The following XPA variants were observed in gnomAD, a reference collection of about 807,000 sequenced individuals.
The protein encoded by XPA is DNA repair protein complementing XP-A cells.
In XPA, 27 loss-of-function variants were observed where a neutral mutation model predicts 35.7. The observed-to-expected ratio is 0.76, with a 90% confidence interval of 0.56 to 1.04. The LOEUF (loss-of-function observed/expected upper bound fraction) is 1.04. Among genes scored for constraint, XPA ranks in the 50% least tolerant of loss-of-function variants. The pLI is 0.00. For missense variants in XPA, 354 were observed against 342.7 expected (o/e 1.03, Z -0.26); for synonymous variants, 133 against 118.4 (o/e 1.12, Z -0.80).
At chr9:97,680,601 C>A (rs2131386766) in intron 5 of XPA, among the ~76,000 whole-genome samples, 1 of 152,126 alleles carries the variant, frequency 6.6e-6, no homozygotes, top group East Asian at 1.9e-4. Context: ...AATGGCTTGG[C>A]AAAATATGTG....
chr9:97,682,426 A>C (rs1828575412), intron 5 of XPA: 3 of 518,880 alleles, frequency 5.8e-6, no homozygotes, highest in African/African-American at 1.9e-5. Context: ...AGGCGGGAAC[A>C]ACCTCTAAAG....
At chr9:97,680,710 A>C (rs1828514333) in intron 5 of XPA, among the ~76,000 whole-genome samples, 1 of 152,240 alleles carries the variant, frequency 6.6e-6, no homozygotes, top group Non-Finnish European at 1.5e-5. Context: ...TTAACAACTT[A>C]AAACTTAGGA....
the XPA span, chr9:97,658,512 T>C: frequency 7.1e-5 from 49 of 692,702 alleles, no homozygotes; most frequent in East Asian, 1.3e-3. Context: ...GATTTTTTTT[T>C]CCCTTTCACT....
At chr9:97,666,764 T>G in the XPA span, 4 of 1,582,694 alleles carry the variant, frequency 2.5e-6, no homozygotes, top group African/African-American at 5.4e-5. Flanking sequence ...TTCTTTAAGA[T>G]TGTTTGTTTG....
At chr9:97,671,359 T>C (rs1828187629), downstream of XPA, 1 of 563,822 alleles carries the variant, frequency 1.8e-6, no homozygotes, top group South Asian at 2.4e-5. Flanking sequence ...TACTTTTAAT[T>C]GCCCTGAAAA....
downstream of XPA, among the ~76,000 whole-genome samples, chr9:97,674,380 A>G (rs1828287668): frequency 6.6e-6 from 1 of 152,150 alleles, no homozygotes; most frequent in South Asian, 2.1e-4. Context: ...TTTGGACATG[A>G]CTTGTTTTGA....
chr9:97,662,091 T>G, the XPA span: 2 of 1,613,886 alleles, frequency 1.2e-6, no homozygotes, highest in East Asian at 4.5e-5. Flanking sequence ...TTGTACAGAC[T>G]CTGCTACACT....
At chr9:97,689,336 T>C (rs2131399580) in intron 3 of XPA, among the ~76,000 whole-genome samples, 198 bp downstream of exon 3, 1 of 152,338 alleles carries the variant, frequency 6.6e-6, no homozygotes, top group Admixed American at 6.5e-5. Context: ...TCCTTCCTAT[T>C]TTATGGGGTA....
chr9:97,682,885 C>T (rs1828588811), intron 5 of XPA, among the ~76,000 whole-genome samples: 1 of 151,964 alleles, frequency 6.6e-6, no homozygotes, highest in South Asian at 2.1e-4. Flanking sequence ...AATATATATG[C>T]CACATAGAAT....
the XPA span, among the ~76,000 whole-genome samples, chr9:97,660,152 C>CT: frequency 4.6e-5 from 7 of 152,118 alleles, no homozygotes; most frequent in Admixed American, 2.0e-4. Flanking sequence ...TCTTCGCCTT[C>CT]TTTTTTTTAG....
At chr9:97,663,698 TG>T in the XPA span, among the ~76,000 whole-genome samples, 1 of 151,796 alleles carries the variant, frequency 6.6e-6, no homozygotes, top group African/African-American at 2.4e-5. Flanking sequence ...TTGGCCAGGC[TG>T]GTCTGGAACT....
chr9:97,658,400 G>A, the XPA span, among the ~76,000 whole-genome samples: 1 of 152,156 alleles, frequency 6.6e-6, no homozygotes, highest in Non-Finnish European at 1.5e-5. Flanking sequence ...CACATACTTG[G>A]CCACCAGGCT....
the XPA span, chr9:97,664,496 T>C: frequency 2.5e-6 from 3 of 1,208,570 alleles, no homozygotes; most frequent in South Asian, 1.3e-5. Context: ...GATATATGTG[T>C]GGTCTCTTAT....
In XPA at chr9:97,687,101, A is replaced by C. The variant is rs1828741837; in HGVS notation, c.550T>G (p.Leu184Val). 6.2e-7 allele frequency: 1 copy of C among 1,609,484 alleles called. No individual in the cohort carries two copies. The highest frequency in any genetic ancestry group is 1.7e-5 in the Admixed American group (1 of 59,680). The change falls in exon 4 of 6, where the codon TTA (leucine) becomes GTA (valine). Residue 184 changes from leucine to valine, a missense_variant. By Grantham distance (32) the Leu-to-Val change is conservative. Transcript: ENST00000375128. ...AAATACAACTTATTAGAGACCTGTA[A>C]CTTTAAGTAGAGTTTCATATCACCC... Reference protein sequence around the residue: ...QWGDMKLYLKLQIVKRSLEVW... With the variant: ...QWGDMKLYLKVQIVKRSLEVW...
At chr9:97,670,594 C>T (rs1012643781), downstream of XPA, among the ~76,000 whole-genome samples, 3 of 152,174 alleles carry the variant, frequency 2.0e-5, no homozygotes, top group African/African-American at 7.2e-5. Context: ...TAGTTACTGC[C>T]AGTTTTAAAA....
the XPA span, chr9:97,658,765 T>A: frequency 2.6e-5 from 39 of 1,519,278 alleles, no homozygotes; most frequent in African/African-American, 5.4e-4. Context: ...AACTAATCCC[T>A]CTGTCTTTAA....
chr9:97,660,828 G>A, the XPA span: 1 of 1,193,818 alleles, frequency 8.4e-7, no homozygotes, highest in South Asian at 1.7e-5. Flanking sequence ...TTGGGATAAA[G>A]AGCATCCTAT....
chr9:97,659,957 C>G, the XPA span, among the ~76,000 whole-genome samples: 4 of 152,114 alleles, frequency 2.6e-5, no homozygotes, highest in African/African-American at 9.7e-5. Flanking sequence ...TGCCATTACC[C>G]CAGTCTGGAA....
chr9:97,686,218 A>C (rs1261648966), intron 4 of XPA, among the ~76,000 whole-genome samples: 2 of 152,242 alleles, frequency 1.3e-5, no homozygotes, highest in Admixed American at 1.3e-4. Flanking sequence ...CCAATATTTT[A>C]AGCTAACAGC....
Sources: gnomAD v4.1 joint callset for allele counts (sites outside exome capture counted in the v4.1 genomes callset) on GRCh38, gnomAD v4.1.1 for gene constraint, MANE v1.5 for transcripts, NCBI Gene and HGNC (gene_info 2026-07-23, HGNC 2026-07-21) for gene names.